TAFA4: variants seen among roughly 807,000 people sequenced by gnomAD.
TAFA4 encodes chemokine-like protein TAFA-4.
A neutral mutation model predicts 21.1 loss-of-function variants in TAFA4; 20 were observed. That is an observed-to-expected ratio of 0.95 (90% confidence interval 0.67 to 1.38). The LOEUF (loss-of-function observed/expected upper bound fraction) is 1.38, where lower values mean the gene tolerates loss of function less well. Ranked by LOEUF, TAFA4 falls within the 40% of genes most tolerant of loss-of-function variation. TAFA4 has a pLI of 0.00. For synonymous variants in TAFA4, 71 were observed against 67.4 expected (o/e 1.05, Z -0.26); for missense variants, 211 against 180.9 (o/e 1.17, Z -0.95).
chr3:68,832,918 G>A (rs1438574600), intron 3 of TAFA4, among the ~76,000 whole-genome samples: 1 of 152,204 alleles, frequency 6.6e-6, no homozygotes, highest in Non-Finnish European at 1.5e-5. Flanking sequence ...AAGGGTGGAC[G>A]CCCCTTCCCC....
At chr3:68,856,043 G>T (rs1177893739) in intron 3 of TAFA4, among the ~76,000 whole-genome samples, 1 of 152,084 alleles carries the variant, frequency 6.6e-6, no homozygotes, top group East Asian at 1.9e-4. Context: ...ATTGAGTGTG[G>T]ATCCTTAATA....
intron 1 of TAFA4, among the ~76,000 whole-genome samples, chr3:68,899,386 T>C (rs2089822795): frequency 6.6e-6 from 1 of 152,006 alleles, no homozygotes; most frequent in Non-Finnish European, 1.5e-5. Flanking sequence ...CCACAGACAA[T>C]AATATACCCT....
chr3:68,881,593 T>G (rs1023160096), intron 2 of TAFA4, among the ~76,000 whole-genome samples: 5 of 152,332 alleles, frequency 3.3e-5, no homozygotes, highest in African/African-American at 1.2e-4. Flanking sequence ...ACTTTTTTTG[T>G]TTGCTTTTTT....
intron 3 of TAFA4, among the ~76,000 whole-genome samples, chr3:68,805,988 C>A (rs1703690684): frequency 6.6e-6 from 1 of 151,160 alleles, no homozygotes; most frequent in African/African-American, 2.4e-5. Flanking sequence ...AGTACAAAAC[C>A]AGAGAAGAAA....
intron 3 of TAFA4, among the ~76,000 whole-genome samples, chr3:68,804,574 A>T (rs542259126): frequency 6.6e-6 from 1 of 152,206 alleles, no homozygotes; most frequent in Non-Finnish European, 1.5e-5. Context: ...TATAGTAACC[A>T]AAACAGCATG....
rs150385015 is a variant in TAFA4 at position 68,784,502 on chromosome 3, T to C, written c.131-31484A>G. The stretch of plus-strand genomic sequence containing the variant: ...AGACCTTTGAGGTGAGTGTTACAGC[T>C]CTTAAGGCGGTGCCTCTGGAGTTCT... On this transcript the variant is annotated intron_variant, in intron 3 of 5. Coordinates refer to ENST00000295569, the MANE Select transcript of TAFA4 (RefSeq NM_182522.5). 5.3e-5 allele frequency among the ~76,000 whole-genome samples: 8 copies of C among 152,174 alleles called. No homozygotes were observed. In the East Asian group the frequency reaches 1.5e-3, roughly 29 times the overall value.
chr3:68,902,325 T>A (rs146813797), intron 1 of TAFA4, among the ~76,000 whole-genome samples: 1 of 152,272 alleles, frequency 6.6e-6, no homozygotes, highest in African/African-American at 2.4e-5. Flanking sequence ...CTCTTCCCTC[T>A]CTTTTACCCA....
intron 4 of TAFA4, among the ~76,000 whole-genome samples, chr3:68,742,914 G>T (rs996433656): frequency 6.6e-6 from 1 of 152,042 alleles, no homozygotes; most frequent in Non-Finnish European, 1.5e-5. Flanking sequence ...GCATCTACTA[G>T]AAACAAATCC....
At chr3:68,911,241 T>A (rs1342856657) in intron 1 of TAFA4, among the ~76,000 whole-genome samples, 1 of 152,232 alleles carries the variant, frequency 6.6e-6, no homozygotes, top group Non-Finnish European at 1.5e-5. Context: ...TATAAAAGAC[T>A]GCATTTGGAG....
chr3:68,749,670 T>A (rs1275059960), intron 4 of TAFA4, among the ~76,000 whole-genome samples: 1 of 152,216 alleles, frequency 6.6e-6, no homozygotes, highest in Non-Finnish European at 1.5e-5. Flanking sequence ...ACACCGACTG[T>A]TTGCCAGACA....
At chr3:68,861,030 A>ACCCCCCCCCCCCCCCCCCCCCCCCCC (rs113804738) in intron 3 of TAFA4, among the ~76,000 whole-genome samples, 2 of 111,022 alleles carry the variant, frequency 1.8e-5, no homozygotes, top group Non-Finnish European at 3.8e-5. Flanking sequence ...TTAAATATGC[A>ACCCCCCCCCCCCCCCCCCCCCCCCCC]CCCCCCCCCC....
chr3:68,751,142 G>T (rs1702551051), intron 4 of TAFA4, among the ~76,000 whole-genome samples: 1 of 152,202 alleles, frequency 6.6e-6, no homozygotes, highest in Non-Finnish European at 1.5e-5. Flanking sequence ...GAAATGAAAA[G>T]AAATGGGAAG....
chr3:68,925,809 G>A (rs1375496615), intron 1 of TAFA4, among the ~76,000 whole-genome samples: 1 of 152,152 alleles, frequency 6.6e-6, no homozygotes, highest in African/African-American at 2.4e-5. Context: ...AACGTAGGAG[G>A]TCTCTACAGG....
In TAFA4 at chr3:68,867,624, G is replaced by C. The variant is rs548622265; in HGVS notation, c.130+13106C>G. ...TCTATCAAAAGTAACAATGACAACA[G>C]CAACTTATTAGGGATAGGCAATATT... On this transcript the variant is annotated intron_variant, in intron 3 of 5. Coordinates refer to ENST00000295569, the MANE Select transcript of TAFA4 (RefSeq NM_182522.5). Among the ~76,000 whole-genome samples the C allele has an allele frequency of 7.2e-5, 11 of 152,128 alleles. No individual in the cohort carries two copies. The South Asian group carries it at 2.3e-3, about 32-fold the overall frequency.
At chr3:68,882,904 T>G (rs905273689) in intron 2 of TAFA4, 2 of 152,246 alleles carry the variant, frequency 1.3e-5, no homozygotes, top group African/African-American at 4.8e-5. Flanking sequence ...CATGTTTCTG[T>G]GTAAGTTTAG....
chr3:68,914,987 C>T (rs1018222827), intron 1 of TAFA4, among the ~76,000 whole-genome samples: 2 of 152,170 alleles, frequency 1.3e-5, no homozygotes, highest in East Asian at 3.8e-4. Context: ...CTTTTTCCCA[C>T]TATAACAGTA....
intron 3 of TAFA4, among the ~76,000 whole-genome samples, chr3:68,791,988 A>G (rs192395135): frequency 6.6e-6 from 1 of 152,214 alleles, no homozygotes; most frequent in African/African-American, 2.4e-5. Flanking sequence ...TTAGATTCTA[A>G]AAAAAAACTC....
chr3:68,904,787 G>T (rs1361359953), intron 1 of TAFA4, among the ~76,000 whole-genome samples: 1 of 152,150 alleles, frequency 6.6e-6, no homozygotes, highest in Non-Finnish European at 1.5e-5. Flanking sequence ...GCTGACTCAG[G>T]GGCATTAACT....
At chr3:68,866,084 A>G (rs1463031680) in intron 3 of TAFA4, among the ~76,000 whole-genome samples, 1 of 152,074 alleles carries the variant, frequency 6.6e-6, no homozygotes, top group Non-Finnish European at 1.5e-5. Flanking sequence ...GTAGGGAGAA[A>G]ATCCCCTGAG....
Sources: allele counts gnomAD v4.1 joint callset (sites outside exome capture counted in the v4.1 genomes callset), GRCh38; gene constraint gnomAD v4.1.1; transcripts MANE v1.5; gene names NCBI Gene and HGNC (gene_info 2026-07-23, HGNC 2026-07-21).